Variants in TRPC7 observed in about 807,000 individuals in gnomAD.
TRPC7 encodes transient receptor potential cation channel subfamily C member 7.
In TRPC7, 42 loss-of-function variants were observed where a neutral mutation model predicts 90.1. The ratio of observed to expected loss-of-function variants is 0.47; its 90% CI spans 0.36 to 0.60. TRPC7 has a LOEUF of 0.60. Among genes scored for constraint, TRPC7 ranks in the 20% least tolerant of loss-of-function variants. The pLI is 0.00. For synonymous variants in TRPC7, 451 were observed against 436.3 expected, an observed-to-expected ratio of 1.03 and a Z score of -0.42; for missense variants, 955 against 1,112.3, an observed-to-expected ratio of 0.86 and a Z score of 2.01.
intron 2 of TRPC7, among the ~76,000 whole-genome samples, chr5:136,340,833 C>A (rs1398016625): frequency 6.6e-6 from 1 of 151,996 alleles, no homozygotes; most frequent in Non-Finnish European, 1.5e-5. Flanking sequence ...CACCGGAAGA[C>A]AATTCACAGA....
At chr5:136,272,003 T>A (rs750981598) in intron 4 of TRPC7, among the ~76,000 whole-genome samples, 2 of 152,206 alleles carry the variant, frequency 1.3e-5, no homozygotes, top group Non-Finnish European at 2.9e-5. Context: ...GGGCAACAAC[T>A]ATTAGGAAGT....
chr5:136,285,812 T>C (rs1435423968), intron 3 of TRPC7, among the ~76,000 whole-genome samples: 1 of 152,204 alleles, frequency 6.6e-6, no homozygotes, highest in Non-Finnish European at 1.5e-5. Flanking sequence ...CTATAAGGCT[T>C]TTGATAGTCT....
intron 2 of TRPC7, among the ~76,000 whole-genome samples, chr5:136,321,998 C>T (rs1422511691): frequency 2.0e-5 from 3 of 152,002 alleles, no homozygotes; most frequent in African/African-American, 7.3e-5. Context: ...AAGAAGGCTG[C>T]TATAAATATT....
At chr5:136,354,854 A>G (rs1760311504) in intron 2 of TRPC7, among the ~76,000 whole-genome samples, 1 of 152,178 alleles carries the variant, frequency 6.6e-6, no homozygotes. Context: ...TCTGAGACTC[A>G]TCTTCACTTA....
chr5:136,268,523 C>A (rs1166929460), intron 4 of TRPC7, among the ~76,000 whole-genome samples: 1 of 152,180 alleles, frequency 6.6e-6, no homozygotes, highest in African/African-American at 2.4e-5. Flanking sequence ...GGGTATACCT[C>A]TCCAACTTCT....
At chr5:136,317,146 G>A (rs1285491261) in intron 2 of TRPC7, among the ~76,000 whole-genome samples, 5 of 152,160 alleles carry the variant, frequency 3.3e-5, no homozygotes, top group Admixed American at 1.3e-4. Flanking sequence ...GGTAGAAGAA[G>A]GGAGTTTCAG....
Position 136,213,017 on chromosome 5 carries a change from A to G in TRPC7, c.*418T>C, listed in dbSNP as rs913465113. Among the ~76,000 whole-genome samples the G allele has an allele frequency of 1.3e-5, 2 of 152,058 alleles. No individual in the cohort carries two copies. The highest frequency in any genetic ancestry group is 4.8e-5 in the African/African-American group (2 of 41,406). ...TTTGGATGTGTTGGGGGTGGCAGGGAGGGAGTGAGAAGGAGTTTGTGGGTT... is the reference window on the plus strand; with the variant it reads ...TTTGGATGTGTTGGGGGTGGCAGGGGGGGAGTGAGAAGGAGTTTGTGGGTT... On this transcript the variant is annotated 3_prime_UTR_variant, in exon 12 of 12. Transcript: ENST00000513104.
chr5:136,230,429 C>T (rs1755778659), intron 8 of TRPC7, among the ~76,000 whole-genome samples: 1 of 152,184 alleles, frequency 6.6e-6, no homozygotes, highest in Admixed American at 6.5e-5. Context: ...AAATGAATCA[C>T]ATTCCCTTTT....
intron 3 of TRPC7, among the ~76,000 whole-genome samples, chr5:136,285,885 C>G (rs150348358): frequency 3.3e-5 from 5 of 152,170 alleles, no homozygotes; most frequent in African/African-American, 1.2e-4. Context: ...CCTTGACAAC[C>G]CTGCCCAAAG....
At chr5:136,360,233 C>T (rs1007761473) in intron 1 of TRPC7, among the ~76,000 whole-genome samples, 27 of 152,182 alleles carry the variant, frequency 1.8e-4, no homozygotes, top group African/African-American at 6.0e-4. Flanking sequence ...ATAGACACTG[C>T]AGCCTACAAA....
At chr5:136,232,071 CTTTATTT>C (rs1240539129) in intron 7 of TRPC7, among the ~76,000 whole-genome samples, 1 of 152,144 alleles carries the variant, frequency 6.6e-6, no homozygotes, top group African/African-American at 2.4e-5. Flanking sequence ...ATGGCAAGCT[CTTTATTT>C]TTTATTCAAT....
At chr5:136,222,747 TAGGC>T (rs1755500374) in intron 10 of TRPC7, among the ~76,000 whole-genome samples, 1 of 152,160 alleles carries the variant, frequency 6.6e-6, no homozygotes. Context: ...AGATAAATAA[TAGGC>T]AGGTGTCCAG....
At chr5:136,269,938 G>A (rs1757155698) in intron 4 of TRPC7, among the ~76,000 whole-genome samples, 1 of 152,082 alleles carries the variant, frequency 6.6e-6, no homozygotes, top group Non-Finnish European at 1.5e-5. Context: ...ACATTTCAAT[G>A]TGAATCCACA....
chr5:136,219,487 C>A (rs1755380626), intron 10 of TRPC7, among the ~76,000 whole-genome samples: 1 of 152,158 alleles, frequency 6.6e-6, no homozygotes, highest in African/African-American at 2.4e-5. Flanking sequence ...CATGTCCTGC[C>A]AGGCACAGTG....
In TRPC7 at chr5:136,213,203, C is replaced by T; in HGVS notation, c.*232G>A. On this transcript the variant is annotated 3_prime_UTR_variant, in exon 12 of 12. Coordinates refer to ENST00000513104, the MANE Select transcript of TRPC7 (RefSeq NM_020389.3). ...CACACTCGTCAGGGGGCTGTTCCTC[C>T]CCTCCTCCCATGGTAGCTTTTCTTA... The T allele has an allele frequency of 1.9e-6, 1 of 536,554 alleles. No homozygotes were observed. The highest frequency in any genetic ancestry group is 2.3e-5 in the South Asian group (1 of 43,812). The allele number at this position is 536,554 out of a possible 1,614,324, so 33.2% of individuals were successfully genotyped here.
chr5:136,226,235 C>T lies in TRPC7; in HGVS notation c.2061G>A (p.Trp687Ter), dbSNP rs779668597. Residue 687 changes from tryptophan (W) to a stop codon, truncating the protein, a stop_gained, in exon 9 of 12, where the codon TGG (tryptophan) becomes TGA (stop). Transcript: ENST00000513104. LOFTEE classifies it high-confidence loss of function. ...GCCAGAGTTTTGCTCGGGCGAACTT[C>T]CATTCCACATCTGCATCCTCCTGTG... is the stretch of plus-strand genomic sequence containing the variant. ...QEIEEDADVEWKFARAKLWLS... is the reference protein window; with the variant it reads ...QEIEEDADVE 1.9e-6 allele frequency: 3 copies of T among 1,551,692 alleles called. No individual in the cohort carries two copies.
At chr5:136,354,455 G>C (rs1010436923) in intron 2 of TRPC7, among the ~76,000 whole-genome samples, 2 of 152,120 alleles carry the variant, frequency 1.3e-5, no homozygotes, top group Non-Finnish European at 2.9e-5. Flanking sequence ...GTCCCAATTT[G>C]TGGGCCCCTG....
intron 3 of TRPC7, among the ~76,000 whole-genome samples, chr5:136,297,949 A>C (rs1308943389): frequency 6.6e-6 from 1 of 151,412 alleles, no homozygotes; most frequent in African/African-American, 2.4e-5. Context: ...CTGGAAGAAG[A>C]CTTAGGTGCT....
At chr5:136,217,136 T>C (rs1755292667) in intron 10 of TRPC7, among the ~76,000 whole-genome samples, 1 of 152,212 alleles carries the variant, frequency 6.6e-6, no homozygotes, top group Non-Finnish European at 1.5e-5. Context: ...TTCCAAGAGA[T>C]GAGCAGTGTG....
Sources: gnomAD v4.1 joint callset for allele counts (sites outside exome capture counted in the v4.1 genomes callset) on GRCh38, gnomAD v4.1.1 for gene constraint, MANE v1.5 for transcripts, NCBI Gene and HGNC (gene_info 2026-07-23, HGNC 2026-07-21) for gene names.